The following ZNG1B variants were observed in gnomAD, a reference collection of about 807,000 sequenced individuals.
ZNG1B encodes the protein Zn regulated GTPase metalloprotein activator 1B, also known as zinc-regulated GTPase metalloprotein activator 1B.
At chr2:113,473,209 G>C in the ZNG1B span, among the ~76,000 whole-genome samples, 2 of 151,990 alleles carry the variant, frequency 1.3e-5, no homozygotes, top group East Asian at 3.9e-4. Context: ...CACATCCCTT[G>C]TAAGTCAGAT....
the ZNG1B span, among the ~76,000 whole-genome samples, chr2:113,443,113 C>T: frequency 7.9e-5 from 12 of 151,568 alleles, no homozygotes; most frequent in East Asian, 1.9e-4. Context: ...GGACTACAGG[C>T]GCCCGCTACC....
chr2:113,467,911 C>T, the ZNG1B span, among the ~76,000 whole-genome samples: 4 of 140,274 alleles, frequency 2.9e-5, no homozygotes, highest in Non-Finnish European at 6.1e-5. Context: ...AGAGAACTTA[C>T]CACAAAGGGT....
the ZNG1B span, among the ~76,000 whole-genome samples, chr2:113,462,221 C>T: frequency 6.6e-6 from 1 of 152,206 alleles, no homozygotes; most frequent in Non-Finnish European, 1.5e-5. Context: ...CCACATTGAA[C>T]AATTAGCGGA....
the ZNG1B span, among the ~76,000 whole-genome samples, chr2:113,456,454 GT>G: frequency 7.2e-4 from 105 of 145,080 alleles, no homozygotes; most frequent in African/African-American, 2.3e-3. Flanking sequence ...AAGACATTTT[GT>G]TTTTTTTTTT....
chr2:113,445,072 TTAA>T, the ZNG1B span: 16,890 of 1,608,160 alleles, frequency 0.011, 1,490 homozygotes, highest in African/African-American at 0.19. Context: ...AGTGAGGTTG[TTAA>T]TAACCAGAAT....
At chr2:113,473,201 C>T in the ZNG1B span, among the ~76,000 whole-genome samples, 1 of 151,960 alleles carries the variant, frequency 6.6e-6, no homozygotes, top group Non-Finnish European at 1.5e-5. Context: ...AGGTCCTTCA[C>T]ATCCCTTGTA....
At chr2:113,476,751 C>T in the ZNG1B span, among the ~76,000 whole-genome samples, 2 of 152,020 alleles carry the variant, frequency 1.3e-5, no homozygotes, top group Non-Finnish European at 2.9e-5. Flanking sequence ...GGACCTTCAG[C>T]TGCAGGTCTG....
chr2:113,460,727 T>C, the ZNG1B span: 2 of 1,593,542 alleles, frequency 1.3e-6, no homozygotes, highest in East Asian at 2.2e-5. Flanking sequence ...TAGGTATTCA[T>C]ATTTAAAGTA....
chr2:113,455,715 C>T, the ZNG1B span: 21 of 630,698 alleles, frequency 3.3e-5, no homozygotes, highest in African/African-American at 1.4e-4. Flanking sequence ...CATATCTGAA[C>T]GTGTTAATTT....
At chr2:113,457,701 C>T in the ZNG1B span, among the ~76,000 whole-genome samples, 2 of 142,856 alleles carry the variant, frequency 1.4e-5, no homozygotes, top group Admixed American at 7.4e-5. Context: ...GTGTGAATTA[C>T]ATTATAAAAC....
chr2:113,479,046 G>A, the ZNG1B span, among the ~76,000 whole-genome samples: 4 of 151,786 alleles, frequency 2.6e-5, no homozygotes, highest in South Asian at 2.1e-4. Context: ...GGGTATTTTC[G>A]GAGTACCTGG....
chr2:113,453,847 G>A, the ZNG1B span, among the ~76,000 whole-genome samples: 57 of 149,818 alleles, frequency 3.8e-4, no homozygotes, highest in African/African-American at 1.4e-3. Context: ...AATCCTCCAG[G>A]CAATATGAGG....
the ZNG1B span, chr2:113,462,560 C>G: frequency 6.5e-7 from 1 of 1,543,834 alleles, no homozygotes; most frequent in East Asian, 2.3e-5. Context: ...ATTTTTTACT[C>G]TGATTGTTGC....
chr2:113,460,623 A>C, the ZNG1B span: 3 of 1,537,352 alleles, frequency 2.0e-6, no homozygotes, highest in Admixed American at 5.2e-5. Context: ...TGTTGACATT[A>C]GATTTTTTAT....
chr2:113,461,572 C>T, the ZNG1B span, among the ~76,000 whole-genome samples: 2 of 145,246 alleles, frequency 1.4e-5, no homozygotes, highest in African/African-American at 5.0e-5. Flanking sequence ...AGCATAAGAC[C>T]CTGAATAATT....
chr2:113,467,610 GATATTA>G, the ZNG1B span, among the ~76,000 whole-genome samples: 4 of 121,768 alleles, frequency 3.3e-5, no homozygotes, highest in African/African-American at 1.4e-4. Flanking sequence ...CAACATAATA[GATATTA>G]ATATTAATAC....
chr2:113,478,907 A>C, the ZNG1B span, among the ~76,000 whole-genome samples: 1 of 150,888 alleles, frequency 6.6e-6, no homozygotes, highest in African/African-American at 2.4e-5. Flanking sequence ...TGAAGCTCAG[A>C]GAGTAAACTT....
the ZNG1B span, chr2:113,470,892 T>A: frequency 1.6e-6 from 1 of 639,248 alleles, no homozygotes; most frequent in Non-Finnish European, 2.7e-6. Context: ...TTGATTCAAC[T>A]GTGATTCAAA....
the ZNG1B span, among the ~76,000 whole-genome samples, chr2:113,456,362 T>G: frequency 2.6e-5 from 4 of 151,972 alleles, no homozygotes; most frequent in African/African-American, 9.7e-5. Flanking sequence ...TCATTTTGAA[T>G]GTTTATTATA....
Sources: gnomAD v4.1 joint callset for allele counts (sites outside exome capture counted in the v4.1 genomes callset) on GRCh38, gnomAD v4.1.1 for gene constraint, MANE v1.5 for transcripts, NCBI Gene and HGNC (gene_info 2026-07-23, HGNC 2026-07-21) for gene names.